The following NXN variants were observed in gnomAD, a reference collection of about 807,000 sequenced individuals.
NXN encodes nucleoredoxin 1.
A neutral mutation model predicts 48.6 loss-of-function variants in NXN; 16 were observed. The observed-to-expected ratio is 0.33, with a 90% confidence interval of 0.22 to 0.50. The LOEUF (loss-of-function observed/expected upper bound fraction) is 0.50. Ranked by LOEUF, NXN falls within the 20% of genes least tolerant of loss-of-function variation. The pLI is 0.98. For missense variants in NXN, 492 were observed against 605.5 expected (o/e 0.81, Z 1.97); for synonymous variants, 281 against 269.6 (o/e 1.04, Z -0.41).
rs147360117 is a variant in NXN at position 859,650 on chromosome 17, C to T, written c.361-33572G>A. 3.0e-3 allele frequency among the ~76,000 whole-genome samples: 456 copies of T among 152,320 alleles called. 3 individuals are homozygous for T. Among genetic ancestry groups the T allele is most frequent in the South Asian group, 0.021 (103 of 4,832 alleles). On this transcript the variant is annotated intron_variant, in intron 1 of 7. Coordinates refer to ENST00000336868, the MANE Select transcript of NXN (RefSeq NM_022463.5). ...AACAACTGATCTGCTCTGTCACGAC[C>T]TGTTTCACGGATCCCAGATCTGCTC...
intron 1 of NXN, among the ~76,000 whole-genome samples, chr17:897,291 G>C (rs1162390088): frequency 6.6e-6 from 1 of 152,224 alleles, no homozygotes. Context: ...CAAAATGACA[G>C]CAGAGACGTG....
rs1023024863 is a variant in NXN at position 892,650 on chromosome 17, TG to T, written c.361-66573del. On this transcript the variant is annotated intron_variant, in intron 1 of 7. Transcript: ENST00000336868. ...AAGGGGCGGGGCGGGGTGGGGTGTG[TG>T]GGGGGGTGCTGTTCCGCACATTGTA... 1.1e-4 allele frequency among the ~76,000 whole-genome samples: 17 copies of T among 151,702 alleles called. No homozygotes were observed. The East Asian group carries it at 3.3e-3, about 29-fold the overall frequency.
At chr17:914,461 C>T (rs969370878) in intron 1 of NXN, among the ~76,000 whole-genome samples, 13 of 152,192 alleles carry the variant, frequency 8.5e-5, no homozygotes, top group South Asian at 2.1e-4. Flanking sequence ...CAAGCTACCA[C>T]GCCCGGCCAG....
At chr17:966,116 CAA>C (rs772359548) in intron 1 of NXN, among the ~76,000 whole-genome samples, 11 of 112,094 alleles carry the variant, frequency 9.8e-5, no homozygotes, top group Non-Finnish European at 7.6e-5. Context: ...AATTCTGTCT[CAA>C]AAAAAAAAAA....
chr17:924,466 A>G (rs2144958803), intron 1 of NXN, among the ~76,000 whole-genome samples: 1 of 152,254 alleles, frequency 6.6e-6, no homozygotes, highest in Non-Finnish European at 1.5e-5. Context: ...TGAACTCCCA[A>G]CCTCAGGTGA....
chr17:823,798 T>TA, intron 2 of NXN, 33 bp from the exon 3 acceptor site: 2 of 1,612,900 alleles, frequency 1.2e-6, no homozygotes, highest in Non-Finnish European at 1.7e-6. Flanking sequence ...AAAGAGGGCT[T>TA]AGACCCTTCT....
intron 1 of NXN, among the ~76,000 whole-genome samples, chr17:837,760 C>T (rs1054807671): frequency 6.6e-6 from 1 of 152,216 alleles, no homozygotes; most frequent in Admixed American, 6.5e-5. Flanking sequence ...AGAGAACAGA[C>T]CAGCCCGTGT....
At chr17:954,743 G>A (rs2069147362) in intron 1 of NXN, among the ~76,000 whole-genome samples, 1 of 152,228 alleles carries the variant, frequency 6.6e-6, no homozygotes, top group African/African-American at 2.4e-5. Context: ...GGCCCAACAG[G>A]AAAAAGTACT....
chr17:826,600 G>A (rs570344526), intron 1 of NXN, among the ~76,000 whole-genome samples: 50 of 152,354 alleles, frequency 3.3e-4, no homozygotes, highest in East Asian at 1.2e-3. Flanking sequence ...CGCTCTCCAC[G>A]GCCCCTTCCC....
At chr17:904,354 G>A (rs953254493) in intron 1 of NXN, among the ~76,000 whole-genome samples, 3 of 152,130 alleles carry the variant, frequency 2.0e-5, no homozygotes, top group East Asian at 3.9e-4. Flanking sequence ...CCGTGGCCAC[G>A]AAGGACAAAA....
intron 1 of NXN, among the ~76,000 whole-genome samples, chr17:838,427 C>T (rs972801998): frequency 3.9e-5 from 6 of 152,092 alleles, no homozygotes; most frequent in Admixed American, 1.3e-4. Flanking sequence ...CCACCGCGCC[C>T]GGCCATAACA....
chr17:925,068 TC>T (rs2068786009), intron 1 of NXN, among the ~76,000 whole-genome samples: 2 of 152,220 alleles, frequency 1.3e-5, no homozygotes, highest in Admixed American at 6.5e-5. Context: ...ACCAAAAGCC[TC>T]TGCATCTCTT....
chr17:935,067 C>T (rs1416940924), intron 1 of NXN, among the ~76,000 whole-genome samples: 3 of 151,266 alleles, frequency 2.0e-5, no homozygotes, highest in Non-Finnish European at 3.0e-5. Flanking sequence ...TCTCGGCTCA[C>T]TGCAGCCTCC....
chr17:868,809 A>G (rs1478810331), intron 1 of NXN, among the ~76,000 whole-genome samples: 2 of 152,178 alleles, frequency 1.3e-5, no homozygotes, highest in East Asian at 3.9e-4. Context: ...CCTTCTCTAC[A>G]TCGTGATCAC....
chr17:911,767 ATT>A (rs71371591), intron 1 of NXN, among the ~76,000 whole-genome samples: 100 of 142,444 alleles, frequency 7.0e-4, no homozygotes, highest in Non-Finnish European at 8.7e-4. Context: ...GGCCCGGCCA[ATT>A]TTTTTTTTTT....
In NXN at chr17:835,750, GC is replaced by G. The variant is rs1315355014; in HGVS notation, c.361-9673del. Among the ~76,000 whole-genome samples, 49 of 112,758 alleles carry G rather than the reference GC, an allele frequency of 4.3e-4. No homozygotes were observed. The East Asian group carries it at 5.3e-3, about 12-fold the overall frequency. The allele number at this position is 112,758 out of a possible 152,430, so 74.0% of individuals were successfully genotyped here. A position where few individuals can be genotyped will look rare whatever the true frequency, so the allele number is the denominator to read the frequency against. ...GAAAAAACACCGGTGGGATTCGTCAGCCCCCACAGAGGCCGCAGGGGAAAAA... is the reference window on the plus strand; with the variant it reads ...GAAAAAACACCGGTGGGATTCGTCAGCCCCACAGAGGCCGCAGGGGAAAAA... On this transcript the variant is annotated intron_variant, in intron 1 of 7. Transcript: ENST00000336868.
intron 1 of NXN, among the ~76,000 whole-genome samples, chr17:846,683 T>C (rs760988447): frequency 2.7e-5 from 4 of 149,546 alleles, no homozygotes; most frequent in Non-Finnish European, 5.9e-5. Context: ...TTTTTTTAGA[T>C]AGGGTGGGTA....
intron 1 of NXN, among the ~76,000 whole-genome samples, chr17:938,723 CA>C (rs2150603583): frequency 6.6e-6 from 1 of 151,142 alleles, no homozygotes; most frequent in African/African-American, 2.4e-5. Flanking sequence ...AGAAAGAAAA[CA>C]GGCAAAATCA....
intron 5 of NXN, among the ~76,000 whole-genome samples, chr17:806,653 T>C (rs1214221551): frequency 6.6e-6 from 1 of 152,100 alleles, no homozygotes; most frequent in East Asian, 1.9e-4. Flanking sequence ...AGCAATTTAA[T>C]ATTTATAGAT....
Sources: gnomAD v4.1 joint callset for allele counts (sites outside exome capture counted in the v4.1 genomes callset) on GRCh38, gnomAD v4.1.1 for gene constraint, MANE v1.5 for transcripts, NCBI Gene and HGNC (gene_info 2026-07-23, HGNC 2026-07-21) for gene names.